Variants in AK5 observed in about 807,000 individuals in gnomAD.
The protein encoded by AK5 is adenylate kinase isoenzyme 5.
In AK5, 27 loss-of-function variants were observed where a neutral mutation model predicts 69.5. That is an observed-to-expected ratio of 0.39 (90% confidence interval 0.29 to 0.54). The LOEUF (loss-of-function observed/expected upper bound fraction) is 0.54. AK5 is among the 20% of genes least tolerant of loss of function. The pLI, the probability that AK5 is intolerant of heterozygous loss-of-function variation, is 0.71. For synonymous variants in AK5, 260 were observed against 244.4 expected (o/e 1.06, Z -0.60); for missense variants, 531 against 700.4 (o/e 0.76, Z 2.73).
intron 8 of AK5, chr1:77,420,325 T>C (rs543417446): frequency 6.6e-6 from 1 of 152,268 alleles, no homozygotes; most frequent in South Asian, 2.1e-4. Context: ...AGTGAAAATA[T>C]AGTGTTACAG....
intron 5 of AK5, among the ~76,000 whole-genome samples, chr1:77,301,221 A>G (rs1040408154): frequency 7.9e-5 from 12 of 152,182 alleles, no homozygotes; most frequent in Admixed American, 7.9e-4. Context: ...GGTTCCTCCC[A>G]GGTTTTTCTG....
At chr1:77,296,012 C>A (rs182762774) in intron 3 of AK5, among the ~76,000 whole-genome samples, 112 of 151,982 alleles carry the variant, frequency 7.4e-4, no homozygotes, top group African/African-American at 2.5e-3. Context: ...GATGAAGAAC[C>A]AATAAGTGTA....
chr1:77,377,112 T>G (rs1262573772), intron 6 of AK5, among the ~76,000 whole-genome samples: 1 of 152,180 alleles, frequency 6.6e-6, no homozygotes. Flanking sequence ...GTTTCTCCCC[T>G]CAGATTCTGT....
chr1:77,480,113 A>C (rs1570227116), intron 8 of AK5, among the ~76,000 whole-genome samples: 1 of 119,766 alleles, frequency 8.3e-6, no homozygotes, highest in African/African-American at 3.2e-5. Context: ...TTTCCCATTC[A>C]CCCCGAGTGT....
At chr1:77,351,276 TC>T (rs963736973) in intron 6 of AK5, among the ~76,000 whole-genome samples, 4 of 152,016 alleles carry the variant, frequency 2.6e-5, no homozygotes, top group African/African-American at 9.7e-5. Context: ...ACACCTGCAG[TC>T]CCGGCTACTT....
At chr1:77,334,355 C>T (rs529991837) in intron 5 of AK5, among the ~76,000 whole-genome samples, 1 of 152,036 alleles carries the variant, frequency 6.6e-6, no homozygotes, top group Non-Finnish European at 1.5e-5. Context: ...TCTCTCATTT[C>T]TTTTTTGGCT....
intron 6 of AK5, among the ~76,000 whole-genome samples, chr1:77,372,523 C>T (rs1313924160): frequency 6.6e-6 from 1 of 152,200 alleles, no homozygotes; most frequent in Non-Finnish European, 1.5e-5. Flanking sequence ...AAGTATGACT[C>T]TTAGTCATTC....
chr1:77,367,085 G>C (rs1387191318), intron 6 of AK5, among the ~76,000 whole-genome samples: 1 of 151,910 alleles, frequency 6.6e-6, no homozygotes, highest in Non-Finnish European at 1.5e-5. Context: ...ATTAAAGGAG[G>C]CTCTTTATTT....
At chr1:77,428,207 G>T (rs1355756883) in intron 8 of AK5, among the ~76,000 whole-genome samples, 1 of 152,226 alleles carries the variant, frequency 6.6e-6, no homozygotes, top group Admixed American at 6.5e-5. Context: ...TGAGCAGAGT[G>T]TGTAGAGTTG....
chr1:77,444,251 CATATGTGTATATATATAGTATAT>C (rs1652539722), intron 8 of AK5, among the ~76,000 whole-genome samples: 1 of 47,250 alleles, frequency 2.1e-5, no homozygotes, highest in Non-Finnish European at 4.2e-5. Flanking sequence ...ATATACACAA[CATATGTGTATATATATAGTATAT>C]ATACACAACA....
chr1:77,282,661 C>T (rs941981043), intron 1 of AK5: 21 of 1,178,288 alleles, frequency 1.8e-5, no homozygotes, highest in African/African-American at 1.3e-4. Flanking sequence ...GATGTGGACA[C>T]CCAGGGTGGG....
chr1:77,551,959 G>C (rs1348130166), intron 13 of AK5, among the ~76,000 whole-genome samples: 1 of 152,140 alleles, frequency 6.6e-6, no homozygotes, highest in African/African-American at 2.4e-5. Context: ...GTTGACAAAG[G>C]TTCTCTGCTG....
chr1:77,324,242 G>A (rs539106489), intron 5 of AK5, among the ~76,000 whole-genome samples: 1 of 151,984 alleles, frequency 6.6e-6, no homozygotes, highest in South Asian at 2.1e-4. Context: ...TAATGAAAAT[G>A]TCTCTTCTGT....
At chr1:77,533,192 TG>T (rs1265754912) in intron 12 of AK5, among the ~76,000 whole-genome samples, 1 of 152,072 alleles carries the variant, frequency 6.6e-6, no homozygotes, top group African/African-American at 2.4e-5. Flanking sequence ...ACTATGATGC[TG>T]TGAAGACTCA....
chr1:77,548,477 G>A (rs915137207), intron 13 of AK5, among the ~76,000 whole-genome samples: 2 of 152,210 alleles, frequency 1.3e-5, no homozygotes, highest in Non-Finnish European at 2.9e-5. Context: ...TGTGGTGTGA[G>A]GCTGTGTCTT....
At chr1:77,435,724 T>G (rs1366018125) in intron 8 of AK5, among the ~76,000 whole-genome samples, 1 of 152,028 alleles carries the variant, frequency 6.6e-6, no homozygotes, top group Non-Finnish European at 1.5e-5. Context: ...TTTCACAAAT[T>G]TTACTAAGAG....
chr1:77,345,596 G>T (rs1661874665), intron 6 of AK5, among the ~76,000 whole-genome samples: 1 of 152,130 alleles, frequency 6.6e-6, no homozygotes, highest in South Asian at 2.1e-4. Flanking sequence ...TTTTGCTGTG[G>T]ATTGGGAAAC....
At chr1:77,337,143 AT>A (rs980371386) in intron 5 of AK5, among the ~76,000 whole-genome samples, 1 of 152,194 alleles carries the variant, frequency 6.6e-6, no homozygotes, top group African/African-American at 2.4e-5. Context: ...ATGCAATTTT[AT>A]TCAAAGTATT....
intron 10 of AK5, among the ~76,000 whole-genome samples, chr1:77,503,363 G>A (rs1394832583): frequency 6.6e-6 from 1 of 152,134 alleles, no homozygotes; most frequent in East Asian, 1.9e-4. Flanking sequence ...GTTTGAGCAA[G>A]TTTTGGAAGG....
Sources: allele counts gnomAD v4.1 joint callset (sites outside exome capture counted in the v4.1 genomes callset), GRCh38; gene constraint gnomAD v4.1.1; transcripts MANE v1.5; gene names NCBI Gene and HGNC (gene_info 2026-07-23, HGNC 2026-07-21).